Variants in PIGK observed in about 807,000 individuals in gnomAD.
The protein encoded by PIGK is GPI-anchor transamidase.
In PIGK, 42 loss-of-function variants were observed where a neutral mutation model predicts 50.6. The ratio of observed to expected loss-of-function variants is 0.83; its 90% confidence interval spans 0.65 to 1.07. The LOEUF is 1.07. Among genes scored for constraint, PIGK ranks in the 50% least tolerant of loss-of-function variants. The pLI is 0.00. For missense variants in PIGK, 448 were observed against 488.7 expected, an observed-to-expected ratio of 0.92 and a Z score of 0.78; for synonymous variants, 151 against 156.0, an observed-to-expected ratio of 0.97 and a Z score of 0.24.
At chr1:77,136,636 G>A in intron 9 of PIGK, among the ~76,000 whole-genome samples, 1 of 149,222 alleles carries the variant, frequency 6.7e-6, no homozygotes, top group East Asian at 2.0e-4. Flanking sequence ...AATCTCTTAT[G>A]TACTTAGGGA....
chr1:77,120,622 A>G (rs1654076107), intron 10 of PIGK, among the ~76,000 whole-genome samples: 1 of 152,188 alleles, frequency 6.6e-6, no homozygotes, highest in African/African-American at 2.4e-5. Flanking sequence ...AACAGTCCTT[A>G]AGTTGTAGTA....
At chr1:77,206,923 T>C (rs1160805917) in intron 2 of PIGK, among the ~76,000 whole-genome samples, 192 bp from the exon 3 acceptor site, 1 of 152,124 alleles carries the variant, frequency 6.6e-6, no homozygotes, top group Admixed American at 6.6e-5. Flanking sequence ...TACCAACACT[T>C]TGGGAAGCCC....
At chr1:77,160,816 A>G (rs1180855677) in intron 8 of PIGK, among the ~76,000 whole-genome samples, 1 of 152,236 alleles carries the variant, frequency 6.6e-6, no homozygotes, top group Non-Finnish European at 1.5e-5. Flanking sequence ...AGGGCCCACA[A>G]AAATATGTAA....
intron 10 of PIGK, among the ~76,000 whole-genome samples, chr1:77,102,674 C>T (rs1653576316): frequency 6.6e-6 from 1 of 152,198 alleles, no homozygotes; most frequent in South Asian, 2.1e-4. Context: ...TAAAACAATA[C>T]ATCTGGGTTG....
intron 9 of PIGK, among the ~76,000 whole-genome samples, chr1:77,139,181 G>A (rs900205394): frequency 2.6e-5 from 4 of 151,918 alleles, no homozygotes; most frequent in African/African-American, 9.7e-5. Flanking sequence ...ATGTTAGGCC[G>A]TCCTGCCTTC....
chr1:77,113,008 A>G (rs1461984134), intron 10 of PIGK, among the ~76,000 whole-genome samples: 1 of 152,128 alleles, frequency 6.6e-6, no homozygotes, highest in Admixed American at 6.5e-5. Flanking sequence ...GGACAACAGA[A>G]AAAGAAAACA....
intron 3 of PIGK, among the ~76,000 whole-genome samples, chr1:77,196,879 T>A (rs149999852): frequency 6.6e-6 from 1 of 152,320 alleles, no homozygotes; most frequent in Non-Finnish European, 1.5e-5. Flanking sequence ...GACTTAGCCA[T>A]GAATTATTTG....
intron 3 of PIGK, among the ~76,000 whole-genome samples, chr1:77,189,790 T>C (rs1007399705): frequency 2.0e-5 from 3 of 147,940 alleles, no homozygotes; most frequent in African/African-American, 7.5e-5. Flanking sequence ...TATACAGATA[T>C]ACATATACGT....
intron 10 of PIGK, among the ~76,000 whole-genome samples, chr1:77,094,739 T>C (rs972571539): frequency 6.6e-6 from 1 of 152,110 alleles, no homozygotes; most frequent in Non-Finnish European, 1.5e-5. Flanking sequence ...TTTCCAAAGA[T>C]TCAACAACTA....
chr1:77,098,898 C>A (rs1004689634), intron 10 of PIGK, among the ~76,000 whole-genome samples: 1 of 152,106 alleles, frequency 6.6e-6, no homozygotes, highest in Non-Finnish European at 1.5e-5. Context: ...TTAAGTATTT[C>A]TTTCTCTTCT....
At chr1:77,107,203 C>G (rs1464990872) in intron 10 of PIGK, among the ~76,000 whole-genome samples, 2 of 152,064 alleles carry the variant, frequency 1.3e-5, no homozygotes, top group Non-Finnish European at 2.9e-5. Flanking sequence ...TTAGATCTTT[C>G]CTGCTTTCTC....
At chr1:77,139,508 T>A (rs187397370) in intron 9 of PIGK, among the ~76,000 whole-genome samples, 2 of 152,146 alleles carry the variant, frequency 1.3e-5, no homozygotes, top group Admixed American at 6.5e-5. Context: ...AGTAAATCTA[T>A]ACTGTCCTTG....
At position 77,194,178 on chromosome 1, in the gene PIGK, T is replaced by G. The variant is rs543505518; in HGVS notation, c.239+12462A>C. Among the ~76,000 whole-genome samples, 3 of 152,206 alleles carry G rather than the reference T, an allele frequency of 2.0e-5. No homozygotes were observed. In the South Asian group the frequency reaches 6.2e-4, roughly 32 times the overall value. On this transcript the variant is annotated intron_variant, in intron 3 of 10. Transcript: ENST00000370812. ...GAATGACTATTATGAAGTCAAAAAA[T>G]AACATATGCTGGCAAAGTTGTGGAG...
At chr1:77,102,180 C>T (rs1284538741) in intron 10 of PIGK, among the ~76,000 whole-genome samples, 1 of 152,044 alleles carries the variant, frequency 6.6e-6, no homozygotes, top group Non-Finnish European at 1.5e-5. Flanking sequence ...CTTCATTGTG[C>T]GATTAATGAA....
chr1:77,110,921 AC>A (rs1295414263), intron 10 of PIGK, among the ~76,000 whole-genome samples: 2 of 152,178 alleles, frequency 1.3e-5, no homozygotes, highest in Admixed American at 6.5e-5. Context: ...CAAGAAAAAA[AC>A]AACCCCATCA....
chr1:77,112,941 TAC>T (rs1469942905), intron 10 of PIGK, among the ~76,000 whole-genome samples: 3 of 152,170 alleles, frequency 2.0e-5, no homozygotes, highest in African/African-American at 7.2e-5. Context: ...TTAAAACAAA[TAC>T]AGTTAGAAAA....
rs571009684 is a variant in PIGK at position 77,102,482 on chromosome 1, TA to T, written c.1072-9993del. ...AGGGAGAACAAGAGCGATGACAACT[TA>T]AGAAGGGACTCCGGCTGACTTTGAA... On this transcript the variant is annotated intron_variant, in intron 10 of 10. Coordinates refer to ENST00000370812, the MANE Select transcript of PIGK (RefSeq NM_005482.3). 2.7e-3 allele frequency among the ~76,000 whole-genome samples: 417 copies of T among 152,180 alleles called. 1 individual carries two copies. Among genetic ancestry groups the T allele is most frequent in the African/African-American group, 9.3e-3 (384 of 41,500 alleles).
chr1:77,095,625 A>G (rs1653389651), intron 10 of PIGK, among the ~76,000 whole-genome samples: 1 of 152,146 alleles, frequency 6.6e-6, no homozygotes. Context: ...AAGGCTTAGT[A>G]TCACAGGAAA....
At chr1:77,205,422 A>G (rs2100585380) in intron 3 of PIGK, among the ~76,000 whole-genome samples, 1 of 151,506 alleles carries the variant, frequency 6.6e-6, no homozygotes, top group African/African-American at 2.4e-5. Flanking sequence ...TGGAAATTAT[A>G]GTTTTGTCAG....
Sources: allele counts gnomAD v4.1 joint callset (sites outside exome capture counted in the v4.1 genomes callset), GRCh38; gene constraint gnomAD v4.1.1; transcripts MANE v1.5; gene names NCBI Gene and HGNC (gene_info 2026-07-23, HGNC 2026-07-21).